Variants in FRMD4A observed in about 807,000 individuals in gnomAD.
FRMD4A encodes FERM domain-containing protein 4A.
FRMD4A carries 29 observed loss-of-function variants against 129.1 expected under a neutral mutation model. The ratio of observed to expected loss-of-function variants is 0.22; its 90% confidence interval spans 0.17 to 0.31. The LOEUF is 0.31. FRMD4A is among the 10% of genes least tolerant of loss of function. The pLI, the probability that FRMD4A is intolerant of heterozygous loss-of-function variation, is 1.00. For missense variants in FRMD4A, 1,272 were observed against 1,375.8 expected (o/e 0.92, Z 1.19); for synonymous variants, 634 against 571.6 (o/e 1.11, Z -1.56).
At chr10:13,988,782 C>G (rs1303643477) in intron 2 of FRMD4A, among the ~76,000 whole-genome samples, 2 of 152,148 alleles carry the variant, frequency 1.3e-5, no homozygotes, top group East Asian at 3.9e-4. Context: ...ATCCGTCTAT[C>G]TATCTATCTA....
intron 2 of FRMD4A, among the ~76,000 whole-genome samples, chr10:13,986,925 TG>T (rs2095583806): frequency 6.6e-6 from 1 of 152,040 alleles, no homozygotes; most frequent in South Asian, 2.1e-4. Context: ...TTCTCATACC[TG>T]TATGAGAATC....
intron 9 of FRMD4A, among the ~76,000 whole-genome samples, chr10:13,746,489 G>A (rs565915645): frequency 7.2e-5 from 11 of 152,112 alleles, no homozygotes; most frequent in African/African-American, 1.4e-4. Context: ...CTGGGATTAT[G>A]AGCCAGAGTT....
At chr10:13,690,419 G>A (rs754596760) in intron 15 of FRMD4A, among the ~76,000 whole-genome samples, 4 of 152,208 alleles carry the variant, frequency 2.6e-5, no homozygotes, top group South Asian at 4.1e-4. Flanking sequence ...CCATCCCAGC[G>A]GGAGGGAGAA....
chr10:13,889,353 A>G (rs2094666980), intron 2 of FRMD4A, among the ~76,000 whole-genome samples: 1 of 152,196 alleles, frequency 6.6e-6, no homozygotes, highest in Non-Finnish European at 1.5e-5. Flanking sequence ...AAGTTCCAGA[A>G]CCAAGCAAGG....
chr10:14,294,340 C>T (rs750468820), intron 2 of FRMD4A, among the ~76,000 whole-genome samples: 1 of 152,174 alleles, frequency 6.6e-6, no homozygotes, highest in Non-Finnish European at 1.5e-5. Flanking sequence ...GTCCAAACTG[C>T]TTAGTGTGAA....
intron 2 of FRMD4A, among the ~76,000 whole-genome samples, chr10:13,885,124 C>T (rs2094603476): frequency 6.6e-6 from 1 of 152,182 alleles, no homozygotes; most frequent in Non-Finnish European, 1.5e-5. Context: ...GTAGCTCATG[C>T]CTGTAATCCC....
intron 3 of FRMD4A, among the ~76,000 whole-genome samples, chr10:13,816,304 A>G (rs1276350864): frequency 6.6e-6 from 1 of 152,226 alleles, no homozygotes; most frequent in Admixed American, 6.5e-5. Flanking sequence ...TTAAAGCCAC[A>G]CACATTTTTT....
At chr10:14,104,766 T>C (rs1175318054) in intron 2 of FRMD4A, among the ~76,000 whole-genome samples, 1 of 152,254 alleles carries the variant, frequency 6.6e-6, no homozygotes, top group African/African-American at 2.4e-5. Flanking sequence ...CGATTTCGTG[T>C]GGTTCAACTT....
rs1418886 is a variant in FRMD4A at position 13,928,800 on chromosome 10, G to A, written c.46-69888C>T. Among the ~76,000 whole-genome samples the A allele has an allele frequency of 8.4e-3, 1,277 of 152,248 alleles. 21 individuals are homozygous for A. Among genetic ancestry groups the A allele is most frequent in the African/African-American group, 0.029 (1,222 of 41,550 alleles). On this transcript the variant is annotated intron_variant, in intron 2 of 24. Coordinates refer to ENST00000357447, the MANE Select transcript of FRMD4A (RefSeq NM_018027.5). ...GCTGGGCCACTCAGCCAGCACAGACGGCCCAGTGGGCACAAGTTACAGGGG... is the reference window on the plus strand; with the variant it reads ...GCTGGGCCACTCAGCCAGCACAGACAGCCCAGTGGGCACAAGTTACAGGGG...
chr10:14,259,467 T>C (rs1204958806), intron 2 of FRMD4A, among the ~76,000 whole-genome samples: 1 of 152,232 alleles, frequency 6.6e-6, no homozygotes, highest in Non-Finnish European at 1.5e-5. Context: ...ATGCTGATGA[T>C]GCAGTGAGAT....
At chr10:14,115,777 G>T (rs1383507636) in intron 2 of FRMD4A, among the ~76,000 whole-genome samples, 1 of 152,200 alleles carries the variant, frequency 6.6e-6, no homozygotes, top group African/African-American at 2.4e-5. Flanking sequence ...CCTGAGGTCT[G>T]CACCAGAAGC....
intron 2 of FRMD4A, among the ~76,000 whole-genome samples, chr10:13,972,774 A>AG (rs56128538): frequency 0.024 from 3,621 of 152,324 alleles, 68 homozygotes; most frequent in Non-Finnish European, 0.04. Flanking sequence ...AAGGGAAAGA[A>AG]GGGGGAGGGG....
intron 9 of FRMD4A, among the ~76,000 whole-genome samples, chr10:13,743,334 C>T (rs933097957): frequency 1.3e-5 from 2 of 152,156 alleles, no homozygotes; most frequent in East Asian, 3.8e-4. Flanking sequence ...TTCCTTCCAT[C>T]CCACTCACTA....
chr10:14,235,643 C>T (rs1354352831), intron 2 of FRMD4A, among the ~76,000 whole-genome samples: 3 of 152,172 alleles, frequency 2.0e-5, no homozygotes, highest in African/African-American at 7.2e-5. Context: ...CCACCACTGC[C>T]ACGGGTTCAG....
chr10:14,281,054 G>A (rs980858225), intron 2 of FRMD4A, among the ~76,000 whole-genome samples: 7 of 140,794 alleles, frequency 5.0e-5, no homozygotes, highest in African/African-American at 8.0e-5. Flanking sequence ...GTGCAATGGC[G>A]TGATCTTGGC....
intron 2 of FRMD4A, among the ~76,000 whole-genome samples, chr10:14,151,761 G>C (rs1564342815): frequency 1.3e-5 from 2 of 152,074 alleles, no homozygotes; most frequent in Non-Finnish European, 2.9e-5. Flanking sequence ...AACATTTCTT[G>C]GAAATGCTGT....
chr10:13,671,903 T>G (rs1019112327), intron 16 of FRMD4A, among the ~76,000 whole-genome samples: 1 of 152,256 alleles, frequency 6.6e-6, no homozygotes, highest in African/African-American at 2.4e-5. Context: ...GGAGCTGCTC[T>G]GACAAGGAAG....
At chr10:14,090,865 C>G (rs1588953910) in intron 2 of FRMD4A, among the ~76,000 whole-genome samples, 2 of 152,082 alleles carry the variant, frequency 1.3e-5, no homozygotes, top group South Asian at 4.2e-4. Context: ...TTTTAAGGGA[C>G]AGGGTTTCAC....
intron 2 of FRMD4A, among the ~76,000 whole-genome samples, chr10:13,954,462 A>T (rs1487043082): frequency 6.6e-6 from 1 of 152,142 alleles, no homozygotes; most frequent in Non-Finnish European, 1.5e-5. Context: ...CACGGGAAAG[A>T]TCCGCCCCCA....
Sources: gnomAD v4.1 joint callset for allele counts (sites outside exome capture counted in the v4.1 genomes callset) on GRCh38, gnomAD v4.1.1 for gene constraint, MANE v1.5 for transcripts, NCBI Gene and HGNC (gene_info 2026-07-23, HGNC 2026-07-21) for gene names.